Variants in ENTREP2 observed in about 807,000 individuals in gnomAD.
ENTREP2 encodes the protein endosomal transmembrane epsin interactor 2.
At chr15:29,158,717 G>C in the ENTREP2 span, among the ~76,000 whole-genome samples, 2 of 152,214 alleles carry the variant, frequency 1.3e-5, no homozygotes, top group East Asian at 3.9e-4. Flanking sequence ...TCAAAACGGC[G>C]AATATGAGAG....
At chr15:29,192,577 G>A in the ENTREP2 span, among the ~76,000 whole-genome samples, 79 of 152,312 alleles carry the variant, frequency 5.2e-4, no homozygotes, top group African/African-American at 1.7e-3. Context: ...TACCTGGGGC[G>A]TATGCAGTCA....
the ENTREP2 span, among the ~76,000 whole-genome samples, chr15:29,537,688 AGTTAG>A: frequency 2.6e-5 from 4 of 152,120 alleles, no homozygotes; most frequent in African/African-American, 4.8e-5. Context: ...GGTTAGAATA[AGTTAG>A]GTCAGGTCAC....
At chr15:29,260,533 ACAT>A in the ENTREP2 span, among the ~76,000 whole-genome samples, 4 of 152,210 alleles carry the variant, frequency 2.6e-5, no homozygotes, top group Admixed American at 2.6e-4. Context: ...AAAAAAAAGC[ACAT>A]CATCATCTCA....
chr15:29,321,927 C>T, the ENTREP2 span, among the ~76,000 whole-genome samples: 2 of 151,688 alleles, frequency 1.3e-5, no homozygotes, highest in Non-Finnish European at 2.9e-5. Context: ...CTATGGCACA[C>T]GTTTACCCAT....
the ENTREP2 span, among the ~76,000 whole-genome samples, chr15:29,368,051 AGT>A: frequency 2.0e-5 from 3 of 150,886 alleles, no homozygotes; most frequent in Non-Finnish European, 2.9e-5. Context: ...GGCCTGGCAC[AGT>A]GGCTCATGCC....
the ENTREP2 span, among the ~76,000 whole-genome samples, chr15:29,432,072 C>CACT: frequency 9.5e-3 from 1,448 of 152,298 alleles, 12 homozygotes; most frequent in Middle Eastern, 0.034. Context: ...CTGCAAAATG[C>CACT]ACTTACCTTT....
chr15:29,268,482 T>C, the ENTREP2 span: 1 of 332,416 alleles, frequency 3.0e-6, no homozygotes, highest in Non-Finnish European at 5.4e-6. Context: ...AACTTACTTA[T>C]GTGTTCCTTC....
chr15:29,494,691 T>C, the ENTREP2 span, among the ~76,000 whole-genome samples: 1 of 152,200 alleles, frequency 6.6e-6, no homozygotes, highest in African/African-American at 2.4e-5. Flanking sequence ...CCTGCAACCA[T>C]CATTCTCCTC....
the ENTREP2 span, among the ~76,000 whole-genome samples, chr15:29,214,981 T>C: frequency 6.6e-6 from 1 of 152,222 alleles, no homozygotes; most frequent in Non-Finnish European, 1.5e-5. Flanking sequence ...TTCAAATCCA[T>C]TGTTTCTTTG....
At chr15:29,136,672 T>G in the ENTREP2 span, among the ~76,000 whole-genome samples, 1 of 151,812 alleles carries the variant, frequency 6.6e-6, no homozygotes, top group Non-Finnish European at 1.5e-5. Context: ...TTGTTTTTTT[T>G]TTTTTTCTGG....
chr15:29,126,633 G>A, the ENTREP2 span: 4 of 703,516 alleles, frequency 5.7e-6, no homozygotes, highest in Non-Finnish European at 9.6e-6. Flanking sequence ...GACAAATGCT[G>A]CTTTATGCTG....
chr15:29,133,071 A>C, the ENTREP2 span, among the ~76,000 whole-genome samples: 1 of 152,118 alleles, frequency 6.6e-6, no homozygotes, highest in Non-Finnish European at 1.5e-5. Flanking sequence ...CCTGCTGGCT[A>C]CAGCATGGAG....
At chr15:29,176,585 A>G in the ENTREP2 span, among the ~76,000 whole-genome samples, 1 of 152,186 alleles carries the variant, frequency 6.6e-6, no homozygotes, top group African/African-American at 2.4e-5. Context: ...AGAAGCCCCC[A>G]GGAAGTGTGG....
chr15:29,598,800 T>C, the ENTREP2 span, among the ~76,000 whole-genome samples: 2 of 152,160 alleles, frequency 1.3e-5, no homozygotes, highest in South Asian at 2.1e-4. Flanking sequence ...AGGTTCACGC[T>C]GTTCTCCTGC....
At chr15:29,310,528 G>C in the ENTREP2 span, among the ~76,000 whole-genome samples, 2 of 152,220 alleles carry the variant, frequency 1.3e-5, no homozygotes, top group African/African-American at 4.8e-5. Flanking sequence ...AAGTTAGACA[G>C]TCAAGGCCAA....
the ENTREP2 span, among the ~76,000 whole-genome samples, chr15:29,636,033 C>T: frequency 6.6e-6 from 1 of 152,096 alleles, no homozygotes; most frequent in Admixed American, 6.6e-5. Context: ...GCCAGAGATA[C>T]AGACACAGAA....
At chr15:29,543,739 A>G in the ENTREP2 span, among the ~76,000 whole-genome samples, 9 of 151,780 alleles carry the variant, frequency 5.9e-5, no homozygotes, top group African/African-American at 2.2e-4. Flanking sequence ...AGATTGCGCC[A>G]CTGCACTCCA....
chr15:29,517,594 T>C, the ENTREP2 span, among the ~76,000 whole-genome samples: 1 of 152,170 alleles, frequency 6.6e-6, no homozygotes, highest in African/African-American at 2.4e-5. Context: ...ATATTCATAT[T>C]CTTTTTCTTG....
the ENTREP2 span, among the ~76,000 whole-genome samples, chr15:29,329,819 C>T: frequency 6.6e-6 from 1 of 152,146 alleles, no homozygotes; most frequent in South Asian, 2.1e-4. Context: ...AATAAATATC[C>T]ATGAGTCCAT....
Sources: gnomAD v4.1 joint callset for allele counts (sites outside exome capture counted in the v4.1 genomes callset) on GRCh38, gnomAD v4.1.1 for gene constraint, MANE v1.5 for transcripts, NCBI Gene and HGNC (gene_info 2026-07-23, HGNC 2026-07-21) for gene names.